The following CASP9 variants were observed in gnomAD, a reference collection of about 807,000 sequenced individuals.
CASP9 encodes the protein caspase-9.
CASP9 carries 29 observed loss-of-function variants against 43.5 expected under a neutral mutation model. The ratio of observed to expected loss-of-function variants is 0.67; its 90% CI spans 0.50 to 0.91. The LOEUF is 0.91. CASP9 is among the 40% of genes least tolerant of loss of function. The probability of loss-of-function intolerance (pLI) is 0.00; values close to 1 mark genes in which losing one functional copy is unlikely to be tolerated. For synonymous variants in CASP9, 206 were observed against 211.9 expected, an observed-to-expected ratio of 0.97 and a Z score of 0.24; for missense variants, 575 against 537.4, an observed-to-expected ratio of 1.07 and a Z score of -0.69.
chr1:15,522,923 C>T (rs1197761822), intron 1 of CASP9, among the ~76,000 whole-genome samples: 1 of 152,214 alleles, frequency 6.6e-6, no homozygotes, highest in Non-Finnish European at 1.5e-5. Flanking sequence ...ACACAGAAGG[C>T]ACAAAACTTA....
chr1:15,522,542 G>C (rs572785446), intron 1 of CASP9, among the ~76,000 whole-genome samples: 1 of 151,958 alleles, frequency 6.6e-6, no homozygotes, highest in South Asian at 2.1e-4. Flanking sequence ...ACTCCTATCT[G>C]TACAAAAAAA....
At chr1:15,506,573 C>T (rs1709531786) in intron 4 of CASP9, among the ~76,000 whole-genome samples, 1 of 152,238 alleles carries the variant, frequency 6.6e-6, no homozygotes, top group Non-Finnish European at 1.5e-5. Flanking sequence ...GTCGTAATAG[C>T]CACCATTTTT....
In CASP9 at chr1:15,524,157, C is replaced by A. The variant is rs941311543; in HGVS notation, c.44G>T (p.Arg15Leu). The A allele has an allele frequency of 2.6e-6, 4 of 1,539,888 alleles. No individual in the cohort carries two copies. Among genetic ancestry groups the A allele is most frequent in the Middle Eastern group, 2.2e-4 (1 of 4,458 alleles). ...DRRLLRRCRL[R>L]LVEELQVDQL... ...GTCCACCTGCAGCTCTTCCACCAGCCGCAGCCGGCACCGCCGCAGGAGCCG... is the reference window on the plus strand; with the variant it reads ...GTCCACCTGCAGCTCTTCCACCAGCAGCAGCCGGCACCGCCGCAGGAGCCG... Residue 15 changes from arginine to leucine, a missense_variant, in exon 1 of 9, where the codon CGG (arginine) becomes CTG (leucine). Arg to Leu is a moderately radical substitution (Grantham distance 102). Coordinates refer to ENST00000333868, the MANE Select transcript of CASP9 (RefSeq NM_001229.5).
chr1:15,492,844 A>G lies in CASP9; in HGVS notation c.*99T>C. 6.6e-7 allele frequency: 1 copy of G among 1,509,682 alleles called. No homozygotes were observed. The highest frequency in any genetic ancestry group is 1.4e-5 in the African/African-American group (1 of 71,806). The allele number at this position is 1,509,682 out of a possible 1,614,324, so 93.5% of individuals were successfully genotyped here. A position where few individuals can be genotyped will look rare whatever the true frequency, so the allele number is the denominator to read the frequency against. On this transcript the variant is annotated 3_prime_UTR_variant, in exon 9 of 9. Transcript: ENST00000333868. Reference sequence around the variant, plus strand: ...AGAGCAGACCCTGTGCCGGCTGCAAAGTCCTTGAGTTGCAGGAAAGTCCAG... The same window carrying G: ...AGAGCAGACCCTGTGCCGGCTGCAAGGTCCTTGAGTTGCAGGAAAGTCCAG...
chr1:15,524,407 A>T (rs1404719764), upstream of CASP9: 9 of 1,273,488 alleles, frequency 7.1e-6, no homozygotes, highest in Non-Finnish European at 4.9e-6. Context: ...CCCCGCCCTC[A>T]GGACGCACCT....
At chr1:15,507,989 C>T in intron 2 of CASP9, 82 bp from the exon 3 acceptor site, 2 of 1,434,894 alleles carry the variant, frequency 1.4e-6, no homozygotes, top group Non-Finnish European at 2.0e-6. Context: ...GACAGCCCCC[C>T]AAGAACGGAG....
At chr1:15,515,824 G>A (rs1709925375) in intron 2 of CASP9, among the ~76,000 whole-genome samples, 1 of 152,178 alleles carries the variant, frequency 6.6e-6, no homozygotes, top group Non-Finnish European at 1.5e-5. Flanking sequence ...GGGAGGCCGA[G>A]GTGGGCAGAC....
chr1:15,514,947 G>A (rs1335428834), intron 2 of CASP9, among the ~76,000 whole-genome samples: 1 of 152,120 alleles, frequency 6.6e-6, no homozygotes, highest in Admixed American at 6.5e-5. Flanking sequence ...AGAGGTTGCA[G>A]TGAGCCGAAA....
chr1:15,505,912 AG>A lies in CASP9; in HGVS notation c.720+77del, dbSNP rs1709500403. ...AGCCAAGGGTGTTTTGGACACAAGA[AG>A]GGACATGGCCCCTGCACAGCCTCTT... On this transcript the variant is annotated intron_variant, in intron 5 of 8. Coordinates refer to ENST00000333868, the MANE Select transcript of CASP9 (RefSeq NM_001229.5). 3 of 1,125,838 alleles carry A rather than the reference AG, an allele frequency of 2.7e-6. No homozygotes were observed. In the Admixed American group the frequency reaches 5.2e-5, roughly 19 times the overall value. 69.7% of individuals were successfully genotyped at this position (1,125,838 alleles called of 1,614,324 possible).
rs534736042 is a variant in CASP9 at position 15,498,359 on chromosome 1, A to G, written c.869-2907T>C. 6.8e-5 allele frequency among the ~76,000 whole-genome samples: 10 copies of G among 148,096 alleles called. No homozygotes were observed. The East Asian group carries it at 1.6e-3, about 23-fold the overall frequency. On this transcript the variant is annotated intron_variant, in intron 6 of 8. Transcript: ENST00000333868. ...CTCCCAAAGTGCTGGGATTACAGGC[A>G]TTTTTTTTTTTAAGAGACACACTTT... is the stretch of plus-strand genomic sequence containing the variant.
chr1:15,512,687 AC>A (rs1709801872), intron 2 of CASP9, among the ~76,000 whole-genome samples: 2 of 152,190 alleles, frequency 1.3e-5, no homozygotes, highest in Admixed American at 1.3e-4. Flanking sequence ...ATATACACAC[AC>A]AAAAAAAATG....
intron 6 of CASP9, among the ~76,000 whole-genome samples, chr1:15,503,339 C>T (rs1709399884): frequency 6.6e-6 from 1 of 152,154 alleles, no homozygotes; most frequent in South Asian, 2.1e-4. Flanking sequence ...GTTATTTTCC[C>T]CATTTGCTGA....
chr1:15,504,935 T>C (rs577629740), intron 5 of CASP9, among the ~76,000 whole-genome samples, 177 bp from the exon 6 acceptor site: 1 of 152,276 alleles, frequency 6.6e-6, no homozygotes, highest in East Asian at 1.9e-4. Context: ...GAAAGACACC[T>C]TGACAGCAAG....
intron 7 of CASP9, 47 bp downstream of exon 7, chr1:15,495,226 C>G: frequency 2.6e-6 from 4 of 1,558,638 alleles, no homozygotes; most frequent in Non-Finnish European, 3.5e-6. Context: ...CTAGGGCAGA[C>G]GGGAAGACCC....
Position 15,494,045 on chromosome 1 carries a change from C to A in CASP9, c.1049-44G>T, listed in dbSNP as rs1394026935. The A allele has an allele frequency of 5.2e-6, 8 of 1,539,606 alleles. No individual in the cohort carries two copies. The Admixed American group carries it at 1.4e-4, about 26-fold the overall frequency. On this transcript the variant is annotated intron_variant, in intron 7 of 8. Coordinates refer to ENST00000333868, the MANE Select transcript of CASP9 (RefSeq NM_001229.5). Reference sequence around the variant, plus strand: ...TGAACACTGCTGGAGAGCCACCCCTCCGCCGGCTCCCCACCACCCCTCTGG... The same window carrying A: ...TGAACACTGCTGGAGAGCCACCCCTACGCCGGCTCCCCACCACCCCTCTGG...
intron 2 of CASP9, among the ~76,000 whole-genome samples, chr1:15,512,613 C>T (rs1709796786): frequency 6.6e-6 from 1 of 152,094 alleles, no homozygotes; most frequent in Non-Finnish European, 1.5e-5. Context: ...TGGAACTTCT[C>T]AGCGTCCATA....
intron 6 of CASP9, among the ~76,000 whole-genome samples, chr1:15,501,245 T>C (rs1281957653): frequency 1.3e-5 from 2 of 152,208 alleles, no homozygotes; most frequent in Non-Finnish European, 2.9e-5. Flanking sequence ...GGTGGCTACT[T>C]GGTTGCCTAT....
At chr1:15,506,739 G>A (rs961056849) in intron 4 of CASP9, among the ~76,000 whole-genome samples, 160 bp downstream of exon 4, 6 of 152,158 alleles carry the variant, frequency 3.9e-5, no homozygotes, top group Non-Finnish European at 8.8e-5. Context: ...GGACTTCTGC[G>A]TCTGAACTTG....
Position 15,492,969 on chromosome 1 carries a change from T to G in CASP9, c.1225A>C (p.Lys409Gln). 6.2e-7 allele frequency: 1 copy of G among 1,614,052 alleles called. No homozygotes were observed. Among genetic ancestry groups the G allele is most frequent in the Non-Finnish European group, 8.5e-7 (1 of 1,180,052 alleles). ...QMPGCFNFLR[K>Q]KLFFKTS is the part of the protein sequence containing the mutation. The stretch of plus-strand genomic sequence containing the variant: ...TATGATGTTTTAAAGAAAAGTTTTT[T>G]CCGGAGGAAATTAAAGCAACCAGGC... The change falls in exon 9 of 9, where the codon AAA (lysine) becomes CAA (glutamine). Residue 409 changes from lysine to glutamine, a missense_variant. Lys to Gln is a moderately conservative substitution (Grantham distance 53). Coordinates refer to ENST00000333868, the MANE Select transcript of CASP9 (RefSeq NM_001229.5).
Sources: gnomAD v4.1 joint callset for allele counts (sites outside exome capture counted in the v4.1 genomes callset) on GRCh38, gnomAD v4.1.1 for gene constraint, MANE v1.5 for transcripts, NCBI Gene and HGNC (gene_info 2026-07-23, HGNC 2026-07-21) for gene names.